The following CAPN13 variants were observed in gnomAD, a reference collection of about 807,000 sequenced individuals.
CAPN13 encodes the protein calpain-13.
CAPN13 carries 90 observed loss-of-function variants against 98.4 expected under a neutral mutation model. That is an observed-to-expected ratio of 0.92 (90% CI 0.77 to 1.09). The LOEUF is 1.09. CAPN13 is among the 50% of genes least tolerant of loss of function. The pLI is 0.00. For synonymous variants in CAPN13, 330 were observed against 305.5 expected, an observed-to-expected ratio of 1.08 and a Z score of -0.84; for missense variants, 887 against 841.3, an observed-to-expected ratio of 1.05 and a Z score of -0.67.
At chr2:30,739,351 T>TG (rs879394439) in intron 15 of CAPN13, among the ~76,000 whole-genome samples, 47 of 152,038 alleles carry the variant, frequency 3.1e-4, no homozygotes, top group Admixed American at 2.7e-3. Flanking sequence ...GGGTGCCTCC[T>TG]GGGGGTCTTC....
At chr2:30,733,197 A>T (rs7592475) in intron 19 of CAPN13, among the ~76,000 whole-genome samples, 6 of 152,174 alleles carry the variant, frequency 3.9e-5, no homozygotes, top group African/African-American at 1.4e-4. Context: ...GAGAGCAAGC[A>T]GAACCCTGCA....
At chr2:30,727,539 A>T (rs1670899958) in intron 22 of CAPN13, among the ~76,000 whole-genome samples, 1 of 152,214 alleles carries the variant, frequency 6.6e-6, no homozygotes, top group Non-Finnish European at 1.5e-5. Flanking sequence ...ATATAAAATA[A>T]CCCACAAGCA....
chr2:30,779,779 T>A (rs1673894367), intron 2 of CAPN13, among the ~76,000 whole-genome samples: 1 of 152,098 alleles, frequency 6.6e-6, no homozygotes, highest in African/African-American at 2.4e-5. Flanking sequence ...GTGAATTATA[T>A]ACCAGAAAAA....
At chr2:30,761,517 G>T (rs1049818549) in intron 7 of CAPN13, among the ~76,000 whole-genome samples, 2 of 152,136 alleles carry the variant, frequency 1.3e-5, no homozygotes, top group African/African-American at 4.8e-5. Context: ...ATGCTCCAAG[G>T]TCATCTGGAC....
At chr2:30,751,077 G>A (rs762674503) in intron 11 of CAPN13, 26 bp downstream of exon 11, 7 of 1,610,790 alleles carry the variant, frequency 4.3e-6, no homozygotes, top group Non-Finnish European at 5.9e-6. Context: ...TTCTACAAGG[G>A]AAAGCCCTGA....
At chr2:30,751,327 G>T (rs1672167489) in intron 10 of CAPN13, 76 bp from the exon 11 acceptor site, 2 of 1,517,526 alleles carry the variant, frequency 1.3e-6, no homozygotes, top group Non-Finnish European at 1.8e-6. Context: ...CCAGTGCAGA[G>T]AGTTCTGTGG....
chr2:30,757,967 C>A, intron 8 of CAPN13, 79 bp downstream of exon 8: 1 of 1,079,756 alleles, frequency 9.3e-7, no homozygotes. Context: ...GGCTAGATAG[C>A]CCCTGCTCTC....
chr2:30,743,936 C>T (rs1235235221), intron 12 of CAPN13, among the ~76,000 whole-genome samples: 1 of 152,128 alleles, frequency 6.6e-6, no homozygotes, highest in Non-Finnish European at 1.5e-5. Context: ...GCCCCTAAAG[C>T]CCCTTCTCTC....
At chr2:30,804,343 G>A (rs189260400) in intron 1 of CAPN13, among the ~76,000 whole-genome samples, 6 of 152,168 alleles carry the variant, frequency 3.9e-5, no homozygotes, top group Admixed American at 2.0e-4. Context: ...TGGGATTACA[G>A]GTGCATGCTA....
intron 19 of CAPN13, among the ~76,000 whole-genome samples, chr2:30,734,241 C>T (rs1186150550): frequency 6.6e-6 from 1 of 152,146 alleles, no homozygotes; most frequent in Non-Finnish European, 1.5e-5. Context: ...AATTGAATGG[C>T]ACGTGAGAAC....
chr2:30,787,308 C>T lies in CAPN13; in HGVS notation c.18G>A (p.Glu6=), dbSNP rs113799528. MAYYQ[E]PSVETSIIKF... is the part of the protein sequence containing the mutation. ...TGATGATGGAGGTCTCCACTGAAGGCTCCTGGTAATACGCCATGACTCTCC... is the reference window on the plus strand; with the variant it reads ...TGATGATGGAGGTCTCCACTGAAGGTTCCTGGTAATACGCCATGACTCTCC... Residue 6 remains glutamate, a synonymous_variant, in exon 2 of 23, where the codon GAG becomes GAA. Transcript: ENST00000295055. 232 of 1,612,718 alleles carry T rather than the reference C, an allele frequency of 1.4e-4. 6 individuals carry two copies. The African/African-American group carries it at 2.2e-3, about 15-fold the overall frequency.
chr2:30,730,124 T>C (rs776749121), intron 22 of CAPN13, among the ~76,000 whole-genome samples: 1 of 152,160 alleles, frequency 6.6e-6, no homozygotes, highest in Non-Finnish European at 1.5e-5. Context: ...AGCTCCCCTG[T>C]CCTAAAGAAT....
chr2:30,758,085 C>A lies in CAPN13; in HGVS notation c.827G>T (p.Gly276Val). ...CCCTCTCCATTCGGCCTCGCCCCAG[C>A]CCCAGGGGTTCCACAGGGAGATAAT... ...EEIISLWNPW[G>V]WGEAEWRGRW... The change falls in exon 8 of 23, where the codon GGC becomes GTC. Residue 276 changes from glycine (G) to valine (V), a missense_variant. Coordinates refer to ENST00000295055, the MANE Select transcript of CAPN13 (RefSeq NM_144575.3). The A allele has an allele frequency of 1.9e-6, 3 of 1,611,042 alleles. No individual in the cohort carries two copies. The highest frequency in any genetic ancestry group is 1.1e-5 in the South Asian group (1 of 90,102).
intron 11 of CAPN13, among the ~76,000 whole-genome samples, chr2:30,749,127 T>C (rs951872730): frequency 6.6e-6 from 1 of 152,162 alleles, no homozygotes; most frequent in African/African-American, 2.4e-5. Context: ...TTTGAGACAA[T>C]GAATGTGAAC....
At chr2:30,756,221 G>A (rs1672437696) in intron 8 of CAPN13, among the ~76,000 whole-genome samples, 1 of 152,148 alleles carries the variant, frequency 6.6e-6, no homozygotes, top group African/African-American at 2.4e-5. Flanking sequence ...GCTGTCCTGT[G>A]TCAGCTCCCA....
chr2:30,760,569 A>G (rs1484372719), intron 7 of CAPN13, among the ~76,000 whole-genome samples: 4 of 152,176 alleles, frequency 2.6e-5, no homozygotes, highest in Admixed American at 1.3e-4. Context: ...AAAAATGCCG[A>G]TTTCATTTAT....
chr2:30,741,892 G>A lies in CAPN13; in HGVS notation c.1536+16C>T. ...CTCCAATCCCACGTAAGGCCCCTGG[G>A]TGCTAGGTACCATACCTGCTGAGCA... On this transcript the variant is annotated intron_variant, in intron 15 of 22. Coordinates refer to ENST00000295055, the MANE Select transcript of CAPN13 (RefSeq NM_144575.3). 1 of 1,613,926 alleles carries A rather than the reference G, an allele frequency of 6.2e-7. No homozygotes were observed. The highest frequency in any genetic ancestry group is 1.3e-5 in the African/African-American group (1 of 75,032).
intron 7 of CAPN13, among the ~76,000 whole-genome samples, chr2:30,760,806 G>A (rs1434556136): frequency 1.3e-5 from 2 of 152,142 alleles, no homozygotes; most frequent in Non-Finnish European, 1.5e-5. Flanking sequence ...GGTCACACGC[G>A]AGGCCAAGGC....
intron 15 of CAPN13, chr2:30,741,308 G>C (rs1472686216): frequency 3.4e-5 from 30 of 888,778 alleles, no homozygotes; most frequent in Non-Finnish European, 3.9e-5. Context: ...GCCTCTTCCT[G>C]GTTCAAGGCG....
Sources: gnomAD v4.1 joint callset for allele counts (sites outside exome capture counted in the v4.1 genomes callset) on GRCh38, gnomAD v4.1.1 for gene constraint, MANE v1.5 for transcripts, NCBI Gene and HGNC (gene_info 2026-07-23, HGNC 2026-07-21) for gene names.